MACC1: variants seen among roughly 807,000 people sequenced by gnomAD.
MACC1 encodes the protein MET transcriptional regulator MACC1.
Under a neutral mutation model 70.7 loss-of-function variants are expected in MACC1, and 79 were observed. That is an observed-to-expected ratio of 1.12 (90% confidence interval 0.93 to 1.35). The LOEUF (loss-of-function observed/expected upper bound fraction) is 1.35. Among genes scored for constraint, MACC1 ranks in the 40% most tolerant of loss-of-function variants. MACC1 has a pLI of 0.00. For synonymous variants in MACC1, 361 were observed against 347.2 expected (o/e 1.04, Z -0.44); for missense variants, 1,106 against 978.1 (o/e 1.13, Z -1.74).
At position 20,161,755 on chromosome 7, in the gene MACC1, A is replaced by T; in HGVS notation, c.108T>A (p.Asn36Lys). The change falls in exon 4 of 7, where the codon AAT (asparagine) becomes AAA (lysine). Residue 36 changes from asparagine to lysine, a missense_variant. By Grantham distance (94) the Asn-to-Lys change is moderately conservative (BLOSUM62 0). Transcript: ENST00000400331. The stretch of plus-strand genomic sequence containing the variant: ...AGTTATAAATTCCCATACCTGTAAT[A>T]TTGCAACTTTTTGAGAGTTTTCCAG... Reference protein sequence around the residue: ...MEAGKLSKSCNITECQDPDLL... With the variant: ...MEAGKLSKSCKITECQDPDLL... The T allele has an allele frequency of 6.2e-7, 1 of 1,602,466 alleles. No homozygotes were observed. The highest frequency in any genetic ancestry group is 8.5e-7 in the Non-Finnish European group (1 of 1,169,936).
intron 1 of MACC1, among the ~76,000 whole-genome samples, chr7:20,181,208 C>A (rs888447273): frequency 6.6e-6 from 1 of 151,880 alleles, no homozygotes; most frequent in African/African-American, 2.4e-5. Context: ...CTGACCTGGA[C>A]AATTTGATTC....
intron 1 of MACC1, among the ~76,000 whole-genome samples, chr7:20,178,693 G>A (rs936377000): frequency 2.6e-5 from 4 of 152,224 alleles, no homozygotes; most frequent in East Asian, 3.9e-4. Context: ...TCTGCCTCCC[G>A]GGTTCAAGCG....
chr7:20,158,066 T>G, intron 5 of MACC1, 138 bp downstream of exon 5: 11 of 1,003,962 alleles, frequency 1.1e-5, no homozygotes, highest in Non-Finnish European at 1.5e-5. Context: ...AAAAACTATA[T>G]TTGCTATAAA....
At chr7:20,215,931 G>A (rs1783063180) in intron 1 of MACC1, among the ~76,000 whole-genome samples, 1 of 152,084 alleles carries the variant, frequency 6.6e-6, no homozygotes, top group Admixed American at 6.6e-5. Context: ...TTTGCTTTAA[G>A]TTTTAAAAAT....
intron 1 of MACC1, among the ~76,000 whole-genome samples, chr7:20,213,787 A>G (rs1010900227): frequency 6.6e-6 from 1 of 152,120 alleles, no homozygotes; most frequent in African/African-American, 2.4e-5. Context: ...CAGAGGGTCA[A>G]GATAAATAAC....
At chr7:20,207,807 A>G (rs1782934581) in intron 1 of MACC1, among the ~76,000 whole-genome samples, 1 of 152,224 alleles carries the variant, frequency 6.6e-6, no homozygotes, top group Non-Finnish European at 1.5e-5. Context: ...ATCCATTCAT[A>G]ATATCTATCA....
At chr7:20,202,118 G>A (rs187395449) in intron 1 of MACC1, among the ~76,000 whole-genome samples, 20 of 152,272 alleles carry the variant, frequency 1.3e-4, no homozygotes, top group African/African-American at 3.4e-4. Context: ...AACCATGTCC[G>A]CACATCCAAG....
At chr7:20,213,594 A>G (rs1299621744) in intron 1 of MACC1, among the ~76,000 whole-genome samples, 1 of 152,238 alleles carries the variant, frequency 6.6e-6, no homozygotes, top group Non-Finnish European at 1.5e-5. Context: ...CTACATAGCC[A>G]TAAAAAAGAA....
intron 1 of MACC1, among the ~76,000 whole-genome samples, chr7:20,183,940 G>T (rs1562595390): frequency 6.6e-6 from 1 of 151,850 alleles, no homozygotes; most frequent in African/African-American, 2.4e-5. Context: ...ATTCTTGAAC[G>T]CAGGTGATTC....
At chr7:20,192,485 C>T (rs528410992) in intron 1 of MACC1, among the ~76,000 whole-genome samples, 1 of 152,118 alleles carries the variant, frequency 6.6e-6, no homozygotes, top group Non-Finnish European at 1.5e-5. Context: ...CCAGCTAAGC[C>T]CTGACTTCTA....
At chr7:20,203,054 T>A (rs558718027) in intron 1 of MACC1, among the ~76,000 whole-genome samples, 6 of 152,216 alleles carry the variant, frequency 3.9e-5, no homozygotes, top group Non-Finnish European at 8.8e-5. Flanking sequence ...AATTTATTCA[T>A]TGGGGGAAAT....
chr7:20,196,885 T>G (rs139300888), intron 1 of MACC1, among the ~76,000 whole-genome samples: 1 of 152,294 alleles, frequency 6.6e-6, no homozygotes, highest in East Asian at 1.9e-4. Flanking sequence ...GCCACTCACT[T>G]TCACTGCAAC....
chr7:20,182,022 T>G (rs1782516797), intron 1 of MACC1, among the ~76,000 whole-genome samples: 1 of 151,832 alleles, frequency 6.6e-6, no homozygotes, highest in African/African-American at 2.4e-5. Context: ...TAAAAAAGGA[T>G]GAGTTCATGT....
intron 1 of MACC1, among the ~76,000 whole-genome samples, chr7:20,176,614 T>C (rs1234270136): frequency 1.3e-5 from 2 of 152,166 alleles, no homozygotes; most frequent in African/African-American, 4.8e-5. Context: ...TTCATAGAAA[T>C]GTATTTACAC....
At chr7:20,190,786 T>C (rs915625458) in intron 1 of MACC1, among the ~76,000 whole-genome samples, 2 of 152,260 alleles carry the variant, frequency 1.3e-5, no homozygotes, top group Non-Finnish European at 2.9e-5. Flanking sequence ...TCAGTGGACA[T>C]ATTCCTGTGA....
chr7:20,146,318 T>C (rs1781890978), intron 6 of MACC1, among the ~76,000 whole-genome samples: 1 of 152,188 alleles, frequency 6.6e-6, no homozygotes, highest in South Asian at 2.1e-4. Flanking sequence ...TTTTATTTTT[T>C]CTGCATTTTT....
intron 6 of MACC1, among the ~76,000 whole-genome samples, chr7:20,151,154 CA>C (rs1405588346): frequency 1.3e-5 from 2 of 151,718 alleles, no homozygotes. Flanking sequence ...TATTGTTAAG[CA>C]AGGGGGCCAA....
chr7:20,180,128 A>C (rs1302341871), intron 1 of MACC1, among the ~76,000 whole-genome samples: 1 of 152,154 alleles, frequency 6.6e-6, no homozygotes, highest in Non-Finnish European at 1.5e-5. Flanking sequence ...AATTCAGATA[A>C]TGATAGAAAG....
rs112185165 is a variant in MACC1 at position 20,158,383 on chromosome 7, T to C, written c.1978A>G (p.Lys660Glu). Reference protein sequence around the residue: ...YSVVLTLVSEKVYDWKVLADV... With the variant: ...YSVVLTLVSEEVYDWKVLADV... ...GCTAAAACTTTCCAATCATAAACTT[T>C]TTCTGACACCAAGGTTAATACAACT... Residue 660 changes from lysine to glutamate, a missense_variant, in exon 5 of 7, where the codon AAA becomes GAA. Lys to Glu is a moderately conservative substitution (Grantham distance 56). Transcript: ENST00000400331. 1.2e-6 allele frequency: 2 copies of C among 1,613,634 alleles called. No individual in the cohort carries two copies. The highest frequency in any genetic ancestry group is 2.2e-5 in the South Asian group (2 of 91,018).
Sources: allele counts gnomAD v4.1 joint callset (sites outside exome capture counted in the v4.1 genomes callset), GRCh38; gene constraint gnomAD v4.1.1; transcripts MANE v1.5; gene names NCBI Gene and HGNC (gene_info 2026-07-23, HGNC 2026-07-21).